APBA1: variants seen among roughly 807,000 people sequenced by gnomAD.
APBA1 encodes the protein amyloid beta precursor protein binding family A member 1.
APBA1 carries 55 observed loss-of-function variants against 86.6 expected under a neutral mutation model. The observed-to-expected ratio is 0.64, with a 90% confidence interval of 0.51 to 0.80. The LOEUF is 0.80. Among genes scored for constraint, APBA1 ranks in the 30% least tolerant of loss-of-function variants. The probability of loss-of-function intolerance (pLI) is 0.00; values close to 1 mark genes in which losing one functional copy is unlikely to be tolerated. For missense variants in APBA1, 1,090 were observed against 1,183.0 expected (o/e 0.92, Z 1.15); for synonymous variants, 511 against 493.9 (o/e 1.03, Z -0.46).
intron 1 of APBA1, among the ~76,000 whole-genome samples, chr9:69,625,497 C>T (rs916696600): frequency 3.9e-5 from 6 of 152,054 alleles, no homozygotes; most frequent in African/African-American, 1.4e-4. Flanking sequence ...CTGTTCCTAG[C>T]ACATAGGAGG....
At chr9:69,454,883 T>C (rs918769021) in intron 8 of APBA1, among the ~76,000 whole-genome samples, 1 of 152,120 alleles carries the variant, frequency 6.6e-6, no homozygotes, top group Non-Finnish European at 1.5e-5. Flanking sequence ...TTTTCCCCGT[T>C]TGCATGTTGG....
intron 12 of APBA1, 73 bp from the exon 13 acceptor site, chr9:69,431,471 G>T: frequency 1.5e-6 from 2 of 1,350,002 alleles, no homozygotes; most frequent in Non-Finnish European, 2.1e-6. Flanking sequence ...CCCAGGGCTG[G>T]CCAGAGAGGC....
At chr9:69,578,149 G>C (rs1334894549) in intron 1 of APBA1, among the ~76,000 whole-genome samples, 1 of 152,214 alleles carries the variant, frequency 6.6e-6, no homozygotes, top group Non-Finnish European at 1.5e-5. Flanking sequence ...GGACATCCCA[G>C]CTGTAGTGGC....
rs1836171774 is a variant in APBA1, at chr9:69,516,997, C to T, written c.214G>A (p.Gly72Arg). Residue 72 changes from glycine to arginine, a missense_variant, in exon 2 of 13, where the codon GGG becomes AGG. Coordinates refer to ENST00000265381, the MANE Select transcript of APBA1 (RefSeq NM_001163.4). This position sits in a 1 kb window ranked among gnomAD's most constrained non-coding sequence, Gnocchi z 7.3. ...CTGGCTGAGCGCGCCAGGCATTCCC[C>T]GCGCTCCTCTTCCTCCTGGCCGAGC... ...AQLGQEEEER[G>R]ECLARSASTE... is the part of the protein sequence containing the mutation. 6.3e-7 allele frequency: 1 copy of T among 1,581,114 alleles called. No individual in the cohort carries two copies. Among genetic ancestry groups the T allele is most frequent in the Non-Finnish European group, 8.5e-7 (1 of 1,170,468 alleles).
At chr9:69,433,575 A>C (rs1473651795) in intron 11 of APBA1, among the ~76,000 whole-genome samples, 1 of 152,180 alleles carries the variant, frequency 6.6e-6, no homozygotes, top group Non-Finnish European at 1.5e-5. Flanking sequence ...CTGAACTTTT[A>C]ATGCAGTTTA....
chr9:69,441,823 A>G (rs73647220), intron 10 of APBA1, among the ~76,000 whole-genome samples: 8,486 of 152,234 alleles, frequency 0.056, 803 homozygotes, highest in African/African-American at 0.19. Context: ...CTCTCCCTCT[A>G]AATTAAAATG....
chr9:69,536,443 C>G (rs534343614), intron 1 of APBA1, among the ~76,000 whole-genome samples: 1 of 151,848 alleles, frequency 6.6e-6, no homozygotes, highest in Admixed American at 6.6e-5. Context: ...TCTTGTATTA[C>G]GTTGAAGCAA....
chr9:69,514,015 A>T (rs1332611482), intron 2 of APBA1, among the ~76,000 whole-genome samples: 5 of 152,228 alleles, frequency 3.3e-5, no homozygotes, highest in African/African-American at 1.2e-4. Flanking sequence ...GAGTAGAAGC[A>T]GAGAGAATCT....
chr9:69,598,595 T>A (rs191063715), intron 1 of APBA1, among the ~76,000 whole-genome samples: 6 of 152,262 alleles, frequency 3.9e-5, no homozygotes, highest in African/African-American at 1.4e-4. Context: ...GTGGCTCTCC[T>A]CTAGGTCCCT....
chr9:69,483,736 C>A (rs181490864), intron 2 of APBA1, among the ~76,000 whole-genome samples: 55 of 152,150 alleles, frequency 3.6e-4, no homozygotes, highest in African/African-American at 1.3e-3. Flanking sequence ...AACGAACAAA[C>A]CCCTTAAACA....
chr9:69,467,117 G>C (rs781667537), intron 5 of APBA1, among the ~76,000 whole-genome samples: 1 of 152,190 alleles, frequency 6.6e-6, no homozygotes, highest in South Asian at 2.1e-4. Context: ...TTTTGGTATC[G>C]TGGTGGAGAT....
chr9:69,452,027 A>G, intron 9 of APBA1, 95 bp downstream of exon 9: 1 of 1,203,876 alleles, frequency 8.3e-7, no homozygotes, highest in Non-Finnish European at 1.2e-6. Context: ...ACTCCTCACC[A>G]TTGATCTCCC....
At chr9:69,481,400 A>C (rs1323817631) in intron 2 of APBA1, among the ~76,000 whole-genome samples, 1 of 152,118 alleles carries the variant, frequency 6.6e-6, no homozygotes, top group Non-Finnish European at 1.5e-5. Flanking sequence ...ATACCTAGGA[A>C]TCCAACTTAC....
At chr9:69,454,057 A>C (rs1044938799) in intron 8 of APBA1, among the ~76,000 whole-genome samples, 1 of 152,252 alleles carries the variant, frequency 6.6e-6, no homozygotes, top group Non-Finnish European at 1.5e-5. Flanking sequence ...AGAAAAAGCC[A>C]AACCAGAAAA....
chr9:69,469,149 C>A (rs950422281), intron 4 of APBA1, among the ~76,000 whole-genome samples: 1 of 152,186 alleles, frequency 6.6e-6, no homozygotes, highest in Non-Finnish European at 1.5e-5. Context: ...GCATGAACCA[C>A]CATGCCTAGC....
At chr9:69,610,856 A>G (rs374079663) in intron 1 of APBA1, among the ~76,000 whole-genome samples, 1 of 152,282 alleles carries the variant, frequency 6.6e-6, no homozygotes, top group East Asian at 1.9e-4. Context: ...TTTAAAATCA[A>G]TGGTCATAAT....
intron 1 of APBA1, among the ~76,000 whole-genome samples, chr9:69,594,242 A>G (rs549270559): frequency 6.6e-6 from 1 of 152,248 alleles, no homozygotes; most frequent in African/African-American, 2.4e-5. Context: ...TCACGGGGGT[A>G]GGGGGTGTCT....
At chr9:69,657,172 A>C (rs142149799) in intron 1 of APBA1, among the ~76,000 whole-genome samples, 71 of 152,332 alleles carry the variant, frequency 4.7e-4, no homozygotes, top group African/African-American at 1.5e-3. Flanking sequence ...AGACCTGCCT[A>C]AAATTTTATT....
intron 2 of APBA1, among the ~76,000 whole-genome samples, chr9:69,502,857 A>G (rs1200124688): frequency 6.6e-6 from 1 of 152,110 alleles, no homozygotes; most frequent in Non-Finnish European, 1.5e-5. Context: ...GTGCTTTCCA[A>G]ACTAAGCACA....
Sources: allele counts gnomAD v4.1 joint callset (sites outside exome capture counted in the v4.1 genomes callset), GRCh38; gene constraint gnomAD v4.1.1; non-coding constraint Gnocchi (gnomAD v3.1); transcripts MANE v1.5; gene names NCBI Gene and HGNC (gene_info 2026-07-23, HGNC 2026-07-21).